Variants in ZNF804B observed in about 807,000 individuals in gnomAD.
ZNF804B encodes the protein zinc finger protein 804B.
In ZNF804B, 80 loss-of-function variants were observed where a neutral mutation model predicts 101.4. The ratio of observed to expected loss-of-function variants is 0.79; its 90% CI spans 0.66 to 0.95. The LOEUF is 0.95. ZNF804B is among the 40% of genes least tolerant of loss of function. ZNF804B has a pLI of 0.00. For synonymous variants in ZNF804B, 622 were observed against 558.8 expected, an observed-to-expected ratio of 1.11 and a Z score of -1.59; for missense variants, 1,673 against 1,561.9, an observed-to-expected ratio of 1.07 and a Z score of -1.20.
At chr7:89,292,872 A>C (rs1790319541) in intron 2 of ZNF804B, among the ~76,000 whole-genome samples, 1 of 152,028 alleles carries the variant, frequency 6.6e-6, no homozygotes, top group Non-Finnish European at 1.5e-5. Flanking sequence ...ATAGCATCAA[A>C]AAACCTAAAA....
rs191048825 is a variant in ZNF804B, at chr7:88,983,453, A to T, written c.108+223369A>T. ...CTAGTCAAATTTCATGGTGATGCTG[A>T]TGCTACTAGTTTGGGAATCACTCTT... On this transcript the variant is annotated intron_variant, in intron 1 of 3. Coordinates refer to ENST00000333190, the MANE Select transcript of ZNF804B (RefSeq NM_181646.5). 5.9e-5 allele frequency among the ~76,000 whole-genome samples: 9 copies of T among 152,150 alleles called. No individual in the cohort carries two copies. The East Asian group carries it at 1.8e-3, about 30-fold the overall frequency.
At chr7:88,891,889 A>T (rs550207042) in intron 1 of ZNF804B, among the ~76,000 whole-genome samples, 2 of 151,954 alleles carry the variant, frequency 1.3e-5, no homozygotes, top group South Asian at 4.1e-4. Context: ...CTACCCCACG[A>T]CAGGCCCTGG....
At chr7:89,030,746 A>T (rs763539124) in intron 1 of ZNF804B, among the ~76,000 whole-genome samples, 1 of 152,082 alleles carries the variant, frequency 6.6e-6, no homozygotes, top group Non-Finnish European at 1.5e-5. Flanking sequence ...TTTCTATTCA[A>T]TTGCTCCCTT....
chr7:88,819,942 A>C (rs777682846), intron 1 of ZNF804B, among the ~76,000 whole-genome samples: 38 of 152,308 alleles, frequency 2.5e-4, no homozygotes, highest in Non-Finnish European at 5.1e-4. Context: ...TGTCCTGTGA[A>C]GCTTCTTAAG....
intron 3 of ZNF804B, among the ~76,000 whole-genome samples, chr7:89,328,460 A>G (rs967283421): frequency 2.6e-5 from 4 of 151,940 alleles, no homozygotes; most frequent in Non-Finnish European, 4.4e-5. Flanking sequence ...AAGGTACAAC[A>G]TGTAGCCAGA....
intron 1 of ZNF804B, among the ~76,000 whole-genome samples, chr7:88,900,368 A>G (rs1192596777): frequency 6.6e-6 from 1 of 151,896 alleles, no homozygotes; most frequent in Admixed American, 6.6e-5. Context: ...TTGCATTCCT[A>G]TTAGATTTTA....
chr7:89,050,341 TTAAAA>T (rs1486444930), intron 1 of ZNF804B, among the ~76,000 whole-genome samples: 5 of 151,632 alleles, frequency 3.3e-5, no homozygotes, highest in Non-Finnish European at 7.4e-5. Context: ...GATCAGAGTC[TTAAAA>T]TAAATCAATA....
At chr7:89,185,649 T>C (rs1788365474) in intron 1 of ZNF804B, among the ~76,000 whole-genome samples, 1 of 152,086 alleles carries the variant, frequency 6.6e-6, no homozygotes, top group Non-Finnish European at 1.5e-5. Flanking sequence ...TCAACTGAGG[T>C]TGGGAGTTAG....
chr7:88,769,668 G>T (rs1237382215), intron 1 of ZNF804B, among the ~76,000 whole-genome samples: 1 of 152,110 alleles, frequency 6.6e-6, no homozygotes, highest in Non-Finnish European at 1.5e-5. Flanking sequence ...ATAGTGTTTT[G>T]TAATCTTTTT....
chr7:89,298,169 CATATA>C (rs1562940105), intron 2 of ZNF804B, among the ~76,000 whole-genome samples: 2 of 65,852 alleles, frequency 3.0e-5, no homozygotes, highest in African/African-American at 1.1e-4. Flanking sequence ...ATATATATTT[CATATA>C]TATATAGTGT....
rs184309933 is a variant in ZNF804B, at chr7:89,057,868, A to T, written c.109-160287A>T. The stretch of plus-strand genomic sequence containing the variant: ...TGAGGAGCTTGGTCAAGGGATCCTA[A>T]TTTCAAACATTATGAAATGCAGGGG... On this transcript the variant is annotated intron_variant, in intron 1 of 3. Transcript: ENST00000333190. Among the ~76,000 whole-genome samples the T allele has an allele frequency of 5.5e-3, 833 of 152,210 alleles. 9 individuals are homozygous for T. Among genetic ancestry groups the T allele is most frequent in the African/African-American group, 0.019 (790 of 41,534 alleles).
rs369434069 is a variant in ZNF804B at position 89,317,478 on chromosome 7, C to CT, written c.250-9865dup. Among the ~76,000 whole-genome samples, 6 of 152,330 alleles carry CT rather than the reference C, an allele frequency of 3.9e-5. No individual in the cohort carries two copies. In the East Asian group the frequency reaches 9.7e-4, roughly 25 times the overall value. On this transcript the variant is annotated intron_variant, in intron 2 of 3. Coordinates refer to ENST00000333190, the MANE Select transcript of ZNF804B (RefSeq NM_181646.5). ...AAAGAACTGGACTAAGTGAGGGCTA[C>CT]TGCCAATGAGCAGTTAACTAGAGCT...
At chr7:88,998,250 C>T (rs940826318) in intron 1 of ZNF804B, among the ~76,000 whole-genome samples, 18 of 152,198 alleles carry the variant, frequency 1.2e-4, no homozygotes, top group Non-Finnish European at 2.2e-4. Flanking sequence ...AGCCTCTACT[C>T]ACTTCTTAAC....
intron 1 of ZNF804B, among the ~76,000 whole-genome samples, chr7:89,201,936 A>G (rs921352522): frequency 2.0e-5 from 3 of 152,072 alleles, no homozygotes. Context: ...CCAGAGCAGC[A>G]TGACTATTTC....
chr7:89,029,058 A>G (rs1199000604), intron 1 of ZNF804B, among the ~76,000 whole-genome samples: 1 of 152,144 alleles, frequency 6.6e-6, no homozygotes, highest in Non-Finnish European at 1.5e-5. Context: ...CTTATGAACA[A>G]ATGAATGACA....
At chr7:88,930,811 C>T (rs572054956) in intron 1 of ZNF804B, among the ~76,000 whole-genome samples, 9 of 151,852 alleles carry the variant, frequency 5.9e-5, no homozygotes, top group Non-Finnish European at 1.2e-4. Context: ...TACCAACATG[C>T]AGAATCATGC....
At chr7:88,871,716 C>T (rs2115880896) in intron 1 of ZNF804B, among the ~76,000 whole-genome samples, 2 of 152,242 alleles carry the variant, frequency 1.3e-5, no homozygotes, top group Middle Eastern at 3.4e-3. Flanking sequence ...GTAATCCCAG[C>T]ACTTTGGAAG....
chr7:88,995,447 TGTATG>T (rs1409800339), intron 1 of ZNF804B, among the ~76,000 whole-genome samples: 3 of 152,142 alleles, frequency 2.0e-5, no homozygotes, highest in Admixed American at 6.6e-5. Flanking sequence ...ACAAAAATGA[TGTATG>T]GTATTATTTC....
chr7:89,166,455 G>T (rs1279441794), intron 1 of ZNF804B, among the ~76,000 whole-genome samples: 1 of 152,110 alleles, frequency 6.6e-6, no homozygotes, highest in South Asian at 2.1e-4. Flanking sequence ...TTAGTAAGAA[G>T]ATCATAAGGA....
Sources: gnomAD v4.1 joint callset for allele counts (sites outside exome capture counted in the v4.1 genomes callset) on GRCh38, gnomAD v4.1.1 for gene constraint, MANE v1.5 for transcripts, NCBI Gene and HGNC (gene_info 2026-07-23, HGNC 2026-07-21) for gene names.